The following NANOS3 variants were observed in gnomAD, a reference collection of about 807,000 sequenced individuals.
NANOS3 encodes the protein nanos homolog 3.
NANOS3 carries 11 observed loss-of-function variants against 13.8 expected under a neutral mutation model. That is an observed-to-expected ratio of 0.80 (90% confidence interval 0.50 to 1.32). The LOEUF is 1.32. Among genes scored for constraint, NANOS3 ranks in the 40% most tolerant of loss-of-function variants. NANOS3 has a pLI of 0.00. For missense variants in NANOS3, 221 were observed against 263.8 expected (o/e 0.84, Z 1.12); for synonymous variants, 119 against 115.4 (o/e 1.03, Z -0.20).
Position 13,870,393 on chromosome 19 carries a change from G to C in NANOS3, n.21+4956G>C, listed in dbSNP as rs1976308033. Among the ~76,000 whole-genome samples the C allele has an allele frequency of 1.3e-5, 2 of 151,842 alleles. 1 individual carries two copies. The highest frequency in any genetic ancestry group is 4.2e-4 in the South Asian group (2 of 4,796). The stretch of plus-strand genomic sequence containing the variant: ...ACCCGGCGCCCAGCCTTGTTCTTCA[G>C]CTTGACGGTAGAGCTGCCTCCATCC... On this transcript the variant is annotated intron_variant and non_coding_transcript_variant, in intron 1 of 2. Transcript: ENST00000591161.
At chr19:13,879,032 C>T (rs958201071) in intron 1 of NANOS3, among the ~76,000 whole-genome samples, 1 of 149,410 alleles carries the variant, frequency 6.7e-6, no homozygotes, top group Non-Finnish European at 1.5e-5. Flanking sequence ...ACCTGTCTCC[C>T]GGGTTCAAGC....
At chr19:13,868,355 G>A (rs1438618968) in intron 1 of NANOS3, among the ~76,000 whole-genome samples, 1 of 151,858 alleles carries the variant, frequency 6.6e-6, no homozygotes, top group Non-Finnish European at 1.5e-5. Flanking sequence ...CAGTGCGTCC[G>A]GCCCCAATAC....
intron 1 of NANOS3, among the ~76,000 whole-genome samples, chr19:13,865,772 G>A (rs1321453112): frequency 2.0e-5 from 3 of 150,968 alleles, no homozygotes; most frequent in African/African-American, 7.3e-5. Flanking sequence ...GGGCGGGGAC[G>A]CGCGATGGGG....
chr19:13,865,428 C>T (rs1392360399), exon 1 of NANOS3: 3 of 146,840 alleles, frequency 2.0e-5, no homozygotes, highest in East Asian at 2.0e-4. Context: ...CGGCGGCGGC[C>T]CCAATCGAGG....
chr19:13,878,603 CTTTT>C (rs57017103), intron 1 of NANOS3, among the ~76,000 whole-genome samples: 1 of 145,226 alleles, frequency 6.9e-6, no homozygotes, highest in Admixed American at 6.9e-5. Flanking sequence ...ATTTTTCTTC[CTTTT>C]TTTTTTTAAT....
chr19:13,868,864 C>T (rs561172339), intron 1 of NANOS3, among the ~76,000 whole-genome samples: 1 of 152,088 alleles, frequency 6.6e-6, no homozygotes, highest in East Asian at 1.9e-4. Flanking sequence ...CACAATTAGC[C>T]TGATATACAC....
chr19:13,875,188 C>CTTT (rs376046818), upstream of NANOS3, among the ~76,000 whole-genome samples: 3 of 141,868 alleles, frequency 2.1e-5, no homozygotes, highest in Non-Finnish European at 3.1e-5. Context: ...CTAAAATCCC[C>CTTT]TTTTTTTTTT....
At chr19:13,874,510 A>G (rs1968469882), upstream of NANOS3, among the ~76,000 whole-genome samples, 1 of 152,192 alleles carries the variant, frequency 6.6e-6, no homozygotes, top group Non-Finnish European at 1.5e-5. Context: ...CTCCATCCCC[A>G]TAGCAAAGGC....
Position 13,877,196 on chromosome 19 carries a change from G to C in NANOS3, c.-53G>C. The C allele has an allele frequency of 1.3e-6, 2 of 1,493,466 alleles. No individual in the cohort carries two copies. Among genetic ancestry groups the C allele is most frequent in the Non-Finnish European group, 9.2e-7 (1 of 1,092,020 alleles). The allele number at this position is 1,493,466 out of a possible 1,614,324, so 92.5% of individuals were successfully genotyped here. On this transcript the variant is annotated 5_prime_UTR_variant, in exon 1 of 2. Transcript: ENST00000339133. ...GGTCAGAAGGAGGGAGCTTAAGCCA[G>C]GCAGGGTTACTTGTCTCTGTGACTC...
chr19:13,867,680 G>A, intron 1 of NANOS3, among the ~76,000 whole-genome samples: 1 of 151,904 alleles, frequency 6.6e-6, no homozygotes, highest in East Asian at 1.9e-4. Context: ...TCCCACATTA[G>A]CCTCCCGAGT....
chr19:13,876,692 G>GACACAC (rs111469369), upstream of NANOS3, among the ~76,000 whole-genome samples: 2 of 151,530 alleles, frequency 1.3e-5, no homozygotes, highest in African/African-American at 2.4e-5. Context: ...CTCCCGCCTG[G>GACACAC]ACACACACAC....
rs80303029 is a variant in NANOS3 at position 13,877,303 on chromosome 19, G to A, written c.55G>A (p.Ala19Thr). The stretch of plus-strand genomic sequence containing the variant: ...CCTGGGTTTGGCACACCTGGTTAGG[G>A]CTCTGAGTGGGAAAGAGGGTCCTGA... ...DYLGLAHLVR[A>T]LSGKEGPETR... is the part of the protein sequence containing the mutation. Residue 19 changes from alanine (A) to threonine (T), a missense_variant, in exon 1 of 2, where the codon GCT (alanine) becomes ACT (threonine). Transcript: ENST00000339133. The A allele has an allele frequency of 4.8e-5, 77 of 1,613,024 alleles. No individual in the cohort carries two copies. Among genetic ancestry groups the A allele is most frequent in the Non-Finnish European group, 6.4e-5 (76 of 1,179,996 alleles).
rs754480295 is a variant in NANOS3, at chr19:13,880,523, C to T, written c.*20C>T. 2.4e-5 allele frequency: 38 copies of T among 1,611,300 alleles called. No homozygotes were observed. Among genetic ancestry groups the T allele is most frequent in the African/African-American group, 6.7e-5 (5 of 74,852 alleles). On this transcript the variant is annotated 3_prime_UTR_variant, in exon 2 of 2. Coordinates refer to ENST00000339133, the MANE Select transcript of NANOS3 (RefSeq NM_001098622.3). ...ACCTAGGAGGCTGCCTACACCTGGG[C>T]AAGGGCACCCGGGCTCGGCTGGATT...
At chr19:13,879,515 C>T (rs959647314) in intron 1 of NANOS3, among the ~76,000 whole-genome samples, 2 of 152,166 alleles carry the variant, frequency 1.3e-5, no homozygotes, top group Admixed American at 6.6e-5. Flanking sequence ...GCAGGAGGAT[C>T]GCTTGAGCCC....
chr19:13,864,489 A>C (rs552728918), upstream of NANOS3, among the ~76,000 whole-genome samples: 2 of 151,760 alleles, frequency 1.3e-5, no homozygotes, highest in African/African-American at 2.4e-5. Flanking sequence ...GGCTGTGCAT[A>C]TATGTGTGTG....
upstream of NANOS3, among the ~76,000 whole-genome samples, chr19:13,862,364 G>T (rs1353052736): frequency 6.6e-6 from 1 of 152,072 alleles, no homozygotes; most frequent in Non-Finnish European, 1.5e-5. Context: ...GGAGGAGACT[G>T]CGCTGAGAGC....
At chr19:13,871,955 C>T (rs184925288) in intron 1 of NANOS3, among the ~76,000 whole-genome samples, 328 of 152,012 alleles carry the variant, frequency 2.2e-3, no homozygotes, top group Middle Eastern at 3.4e-3. Flanking sequence ...GCTGTGATTG[C>T]GCCACTGCAC....
upstream of NANOS3, among the ~76,000 whole-genome samples, chr19:13,872,361 AGAG>A (rs1161504890): frequency 8.5e-6 from 1 of 118,116 alleles, no homozygotes; most frequent in African/African-American, 4.1e-5. Flanking sequence ...AAAAAAAAAA[AGAG>A]AGAGAGAGAG....
upstream of NANOS3, among the ~76,000 whole-genome samples, chr19:13,872,765 A>G (rs1423389685): frequency 6.6e-6 from 1 of 151,860 alleles, no homozygotes; most frequent in East Asian, 1.9e-4. Flanking sequence ...CACAGCCTGA[A>G]TGGGAGGATC....
Sources: gnomAD v4.1 joint callset for allele counts (sites outside exome capture counted in the v4.1 genomes callset) on GRCh38, gnomAD v4.1.1 for gene constraint, MANE v1.5 for transcripts, NCBI Gene and HGNC (gene_info 2026-07-23, HGNC 2026-07-21) for gene names.